The following SAMD7 variants were observed in gnomAD, a reference collection of about 807,000 sequenced individuals.
SAMD7 encodes sterile alpha motif domain-containing protein 7.
A neutral mutation model predicts 36.7 loss-of-function variants in SAMD7; 34 were observed. The observed-to-expected ratio is 0.93, with a 90% CI of 0.71 to 1.23. SAMD7 has a LOEUF of 1.23. Among genes scored for constraint, SAMD7 ranks in the 50% most tolerant of loss-of-function variants. The probability of loss-of-function intolerance (pLI) is 0.00; values close to 1 mark genes in which losing one functional copy is unlikely to be tolerated. For synonymous variants in SAMD7, 188 were observed against 189.7 expected, an observed-to-expected ratio of 0.99 and a Z score of 0.07; for missense variants, 570 against 546.6, an observed-to-expected ratio of 1.04 and a Z score of -0.43.
At position 169,931,806 on chromosome 3, in the gene SAMD7, G is replaced by A. The variant is rs150881735; in HGVS notation, c.1041+3228G>A. Among the ~76,000 whole-genome samples the A allele has an allele frequency of 1.7e-3, 265 of 152,216 alleles. 1 individual carries two copies. Among genetic ancestry groups the A allele is most frequent in the African/African-American group, 6.1e-3 (252 of 41,506 alleles). ...GCACAGCCTGGGGCTGCCCCTCCTCGGGGGCCATGCTGCATTGCACTGCAT... is the reference window on the plus strand; with the variant it reads ...GCACAGCCTGGGGCTGCCCCTCCTCAGGGGCCATGCTGCATTGCACTGCAT... On this transcript the variant is annotated intron_variant, in intron 7 of 8. Transcript: ENST00000335556.
At position 169,936,466 on chromosome 3, in the gene SAMD7, TA is replaced by T. The variant is rs754453665; in HGVS notation, c.1152+19del. ...CAGTCACAGGTATGGTGATTTTATA[TA>T]ACTAATTATGTATTAATGGCACAAA... On this transcript the variant is annotated intron_variant, in intron 8 of 8. Transcript: ENST00000335556. 2 of 1,320,250 alleles carry T rather than the reference TA, an allele frequency of 1.5e-6. No individual in the cohort carries two copies. Among genetic ancestry groups the T allele is most frequent in the East Asian group, 4.6e-5 (2 of 43,462 alleles). 81.8% of individuals were successfully genotyped at this position (1,320,250 alleles called of 1,614,324 possible). A position where few individuals can be genotyped will look rare whatever the true frequency, so the allele number is the denominator to read the frequency against.
chr3:169,933,468 G>T (rs1044939777), intron 7 of SAMD7, among the ~76,000 whole-genome samples: 2 of 152,154 alleles, frequency 1.3e-5, no homozygotes, highest in Non-Finnish European at 2.9e-5. Flanking sequence ...CTCAGCAATT[G>T]CCCATTCTAG....
At chr3:169,935,959 A>T (rs1419441516) in intron 7 of SAMD7, among the ~76,000 whole-genome samples, 1 of 152,186 alleles carries the variant, frequency 6.6e-6, no homozygotes, top group African/African-American at 2.4e-5. Context: ...TTTTACCCAC[A>T]TCCCTTTACT....
Position 169,925,063 on chromosome 3 carries a change from G to A in SAMD7, c.217G>A (p.Gly73Ser), listed in dbSNP as rs775243614. ...VLSSRIYPGW[G>S]ILPPESIKAV... The stretch of plus-strand genomic sequence containing the variant: ...TGGTGGTTTTCTTTTTTAAGGTTGG[G>A]GCATTTTACCACCTGAATCCATAAA... Residue 73 changes from glycine (G) to serine (S), a missense_variant, in exon 5 of 9, where the codon GGC becomes AGC. Gly to Ser is a moderately conservative substitution (Grantham distance 56). Transcript: ENST00000335556. 19 of 1,602,716 alleles carry A rather than the reference G, an allele frequency of 1.2e-5. No homozygotes were observed. The highest frequency in any genetic ancestry group is 8.5e-7 in the Non-Finnish European group (1 of 1,174,210).
chr3:169,926,424 A>C (rs1220459304), intron 5 of SAMD7, 129 bp from the exon 6 acceptor site: 4 of 1,185,360 alleles, frequency 3.4e-6, no homozygotes, highest in African/African-American at 3.1e-5. Flanking sequence ...TTTGTGGGGG[A>C]TTCATGTTTC....
At chr3:169,938,148 C>A (rs1042023720) in intron 8 of SAMD7, among the ~76,000 whole-genome samples, 170 bp from the exon 9 acceptor site, 3 of 152,138 alleles carry the variant, frequency 2.0e-5, no homozygotes, top group African/African-American at 7.2e-5. Context: ...CACTATAATT[C>A]TGAGAGAAAG....
At chr3:169,932,214 G>C (rs1044985888) in intron 7 of SAMD7, 1 of 820,642 alleles carries the variant, frequency 1.2e-6, no homozygotes, top group African/African-American at 1.7e-5. Flanking sequence ...CTGCAGCCCA[G>C]TGGGTGGTTC....
chr3:169,916,347 A>G (rs545011622), intron 2 of SAMD7, among the ~76,000 whole-genome samples: 143 of 152,322 alleles, frequency 9.4e-4, no homozygotes, highest in Non-Finnish European at 1.7e-3. Context: ...TAACTGCTGT[A>G]CAAAATAGAG....
chr3:169,919,121 G>C (rs1712935517), intron 2 of SAMD7, among the ~76,000 whole-genome samples: 1 of 152,092 alleles, frequency 6.6e-6, no homozygotes, highest in African/African-American at 2.4e-5. Flanking sequence ...ACTCCAGCCT[G>C]GGCAAAAATT....
intron 4 of SAMD7, 151 bp from the exon 5 acceptor site, chr3:169,924,907 T>C (rs774893644): frequency 1.8e-6 from 1 of 553,596 alleles, no homozygotes; most frequent in Non-Finnish European, 3.2e-6. Context: ...CGAACTGCAA[T>C]GATCTGATAC....
intron 1 of SAMD7, among the ~76,000 whole-genome samples, chr3:169,912,360 T>G (rs1487250205): frequency 6.6e-6 from 1 of 152,190 alleles, no homozygotes; most frequent in Admixed American, 6.5e-5. Flanking sequence ...TGATATTCCT[T>G]AATTCATTCT....
At position 169,921,281 on chromosome 3, in the gene SAMD7, T is replaced by A. The variant is rs1290050067; in HGVS notation, c.154T>A (p.Ser52Thr). The change falls in exon 4 of 9, where the codon TCC (serine) becomes ACC (threonine). Residue 52 changes from serine (S) to threonine (T), a missense_variant. Physicochemically the swap from Ser to Thr is moderately conservative, Grantham distance 58. Coordinates refer to ENST00000335556, the MANE Select transcript of SAMD7 (RefSeq NM_001304366.2). ...RQFCVPSQFG[S>T]SVLPNTNMAN... Reference sequence around the variant, plus strand: ...GTTTTGCGTTCCTTCCCAATTTGGATCCTCTGTTCTACCAAACACAAATAT... The same window carrying A: ...GTTTTGCGTTCCTTCCCAATTTGGAACCTCTGTTCTACCAAACACAAATAT... The A allele has an allele frequency of 6.2e-7, 1 of 1,614,086 alleles. No homozygotes were observed.
chr3:169,932,228 A>G, intron 7 of SAMD7: 1 of 847,662 alleles, frequency 1.2e-6, no homozygotes, highest in Non-Finnish European at 2.0e-6. Flanking sequence ...GTGGTTCCCC[A>G]GGAAGTGTAC....
At chr3:169,934,774 G>C (rs1447134425) in intron 7 of SAMD7, among the ~76,000 whole-genome samples, 1 of 152,186 alleles carries the variant, frequency 6.6e-6, no homozygotes, top group African/African-American at 2.4e-5. Flanking sequence ...CATTGAAGCT[G>C]AGCAAAGCTG....
chr3:169,919,271 A>G (rs1452430991), intron 2 of SAMD7, among the ~76,000 whole-genome samples, 187 bp from the exon 3 acceptor site: 2 of 152,216 alleles, frequency 1.3e-5, no homozygotes, highest in African/African-American at 4.8e-5. Context: ...ACAAATTCCA[A>G]GGGCATACTG....
intron 7 of SAMD7, chr3:169,932,855 C>A: frequency 1.6e-6 from 1 of 612,736 alleles, no homozygotes. Flanking sequence ...CTTTGATTAC[C>A]TGATTGACAA....
chr3:169,928,137 G>A (rs1333769044), intron 6 of SAMD7, among the ~76,000 whole-genome samples: 4 of 152,188 alleles, frequency 2.6e-5, no homozygotes, highest in Non-Finnish European at 1.5e-5. Flanking sequence ...TCGAAAGCAG[G>A]ATAATCACCT....
chr3:169,923,694 A>T (rs1487417027), intron 4 of SAMD7, among the ~76,000 whole-genome samples: 3 of 152,184 alleles, frequency 2.0e-5, no homozygotes, highest in African/African-American at 7.2e-5. Flanking sequence ...ATGAGCCAAG[A>T]CCATGCCATT....
Position 169,938,440 on chromosome 3 carries a change from G to A in SAMD7, c.1275G>A (p.Met425Ile), listed in dbSNP as rs755881999. The A allele has an allele frequency of 3.7e-6, 6 of 1,613,198 alleles. No individual in the cohort carries two copies. The South Asian group carries it at 6.6e-5, about 18-fold the overall frequency. The stretch of plus-strand genomic sequence containing the variant: ...ATCCTAATTCCTGGAGTGATACAAT[G>A]AACATTTTTTGTCCCCAGGATACAA... The part of the protein sequence containing the change: ...LLDPNSWSDT[M>I]NIFCPQDTII... The change falls in exon 9 of 9, where the codon ATG becomes ATA. Residue 425 changes from methionine (M) to isoleucine (I), a missense_variant. By Grantham distance (10) the Met-to-Ile change is conservative. Transcript: ENST00000335556.
Sources: gnomAD v4.1 joint callset for allele counts (sites outside exome capture counted in the v4.1 genomes callset) on GRCh38, gnomAD v4.1.1 for gene constraint, MANE v1.5 for transcripts, NCBI Gene and HGNC (gene_info 2026-07-23, HGNC 2026-07-21) for gene names.